The following ARHGAP39 variants were observed in gnomAD, a reference collection of about 807,000 sequenced individuals.
ARHGAP39 encodes the protein Rho GTPase activating protein 39, also known as rho GTPase-activating protein 39.
A neutral mutation model predicts 106.9 loss-of-function variants in ARHGAP39; 44 were observed. The observed-to-expected ratio is 0.41, with a 90% confidence interval of 0.32 to 0.53. ARHGAP39 has a LOEUF of 0.53. ARHGAP39 is among the 20% of genes least tolerant of loss of function. The pLI, the probability that ARHGAP39 is intolerant of heterozygous loss-of-function variation, is 0.21. For synonymous variants in ARHGAP39, 768 were observed against 693.2 expected (o/e 1.11, Z -1.69); for missense variants, 1,496 against 1,577.3 (o/e 0.95, Z 0.87).
At chr8:144,607,495 G>C (rs944224269) in intron 1 of ARHGAP39, among the ~76,000 whole-genome samples, 3 of 152,232 alleles carry the variant, frequency 2.0e-5, no homozygotes, top group Non-Finnish European at 4.4e-5. Context: ...CTGCCGAACC[G>C]TGGTGGGCAC....
At chr8:144,643,982 C>T (rs995540214) in intron 1 of ARHGAP39, among the ~76,000 whole-genome samples, 3 of 152,094 alleles carry the variant, frequency 2.0e-5, no homozygotes, top group Non-Finnish European at 4.4e-5. Context: ...AACAAGAGCC[C>T]TCGTACACTG....
intron 2 of ARHGAP39, among the ~76,000 whole-genome samples, chr8:144,587,486 T>A (rs1819223268): frequency 6.6e-6 from 1 of 152,094 alleles, no homozygotes; most frequent in Admixed American, 6.5e-5. Context: ...AATTCACGTG[T>A]TATACAGGTT....
intron 8 of ARHGAP39, among the ~76,000 whole-genome samples, chr8:144,533,875 C>T (rs1328221343): frequency 2.0e-5 from 3 of 152,000 alleles, no homozygotes; most frequent in African/African-American, 7.3e-5. Flanking sequence ...CCCTGTGGTG[C>T]GGTGTGACTG....
At chr8:144,582,375 G>A (rs947803547) in intron 2 of ARHGAP39, among the ~76,000 whole-genome samples, 3 of 152,234 alleles carry the variant, frequency 2.0e-5, no homozygotes, top group Non-Finnish European at 4.4e-5. Context: ...AGGACACCAA[G>A]GATCCAGGCG....
chr8:144,548,344 T>C lies in ARHGAP39; in HGVS notation c.742A>G (p.Ser248Gly), dbSNP rs1817558020. 6.2e-7 allele frequency: 1 copy of C among 1,607,162 alleles called. No individual in the cohort carries two copies. Among genetic ancestry groups the C allele is most frequent in the Non-Finnish European group, 8.5e-7 (1 of 1,176,408 alleles). ...PGVRSRRPSG[S>G]QHSPSLQTFA... ...GTCTGCAGGCTGGGTGAGTGCTGGC[T>C]GCCGGAGGGTCTGCGGGAGCGGACC... Residue 248 changes from serine (S) to glycine (G), a missense_variant, in exon 5 of 12, where the codon AGC becomes GGC. Around this residue, in one of 4 missense-constraint regions of ARHGAP39, gnomAD observed 905 missense variants for 816.4 expected, o/e 1.11. Transcript: ENST00000377307. The surrounding 1 kb of genome is among the most constrained non-coding windows in gnomAD (Gnocchi z 7.4).
intron 1 of ARHGAP39, among the ~76,000 whole-genome samples, chr8:144,616,748 C>A (rs1467863926): frequency 6.6e-6 from 1 of 152,230 alleles, no homozygotes; most frequent in South Asian, 2.1e-4. Context: ...CCACGAAGGA[C>A]GGCGAGTGCC....
intron 7 of ARHGAP39, among the ~76,000 whole-genome samples, chr8:144,535,109 G>A (rs938438729): frequency 5.3e-5 from 8 of 152,288 alleles, no homozygotes; most frequent in Admixed American, 3.9e-4. Context: ...AGCGCCTACC[G>A]CCTGCCAGGG....
intron 1 of ARHGAP39, among the ~76,000 whole-genome samples, chr8:144,676,434 C>T (rs760794571): frequency 4.0e-5 from 5 of 125,648 alleles, no homozygotes; most frequent in Non-Finnish European, 7.5e-5. Flanking sequence ...CTGACTGGTG[C>T]GTTTACAAAC....
intron 3 of ARHGAP39, among the ~76,000 whole-genome samples, chr8:144,577,902 T>C (rs1217213260): frequency 6.6e-6 from 1 of 152,182 alleles, no homozygotes; most frequent in Non-Finnish European, 1.5e-5. Context: ...CCTCTGTTCA[T>C]GGATTAGAAA....
chr8:144,640,881 G>A (rs765742997), intron 1 of ARHGAP39, among the ~76,000 whole-genome samples: 2 of 152,102 alleles, frequency 1.3e-5, no homozygotes, highest in African/African-American at 4.8e-5. Flanking sequence ...CACGTTTTCC[G>A]ATTCACACAG....
chr8:144,566,945 G>T lies in ARHGAP39; in HGVS notation c.513-11302C>A, dbSNP rs1054831930. ...TACAAAGAATGACAGCTGATTTCTTGTTAGAAATGATGCAAGCCAGAAGAC... is the reference window on the plus strand; with the variant it reads ...TACAAAGAATGACAGCTGATTTCTTTTTAGAAATGATGCAAGCCAGAAGAC... On this transcript the variant is annotated intron_variant, in intron 3 of 11. Coordinates refer to ENST00000377307, the MANE Select transcript of ARHGAP39 (RefSeq NM_025251.3). Among the ~76,000 whole-genome samples the T allele has an allele frequency of 2.6e-5, 4 of 151,934 alleles. No individual in the cohort carries two copies. The East Asian group carries it at 7.7e-4, about 29-fold the overall frequency.
At chr8:144,685,449 C>G (rs1473084807) in intron 1 of ARHGAP39, among the ~76,000 whole-genome samples, 1 of 149,882 alleles carries the variant, frequency 6.7e-6, no homozygotes, top group African/African-American at 2.4e-5. Context: ...CGCGCGGCCT[C>G]GGCCCCTCGA....
At chr8:144,695,777 C>T in the ARHGAP39 span, among the ~76,000 whole-genome samples, 1 of 152,104 alleles carries the variant, frequency 6.6e-6, no homozygotes, top group African/African-American at 2.4e-5. Context: ...GGCTTAAAGA[C>T]GATTACAAGG....
Position 144,585,939 on chromosome 8 carries a change from C to T in ARHGAP39, c.81-4662G>A, listed in dbSNP as rs1368900261. 1.3e-5 allele frequency among the ~76,000 whole-genome samples: 2 copies of T among 152,196 alleles called. No homozygotes were observed. Among genetic ancestry groups the T allele is most frequent in the Non-Finnish European group, 2.9e-5 (2 of 68,024 alleles). The stretch of plus-strand genomic sequence containing the variant: ...GCATCCCTGCACCCCCATGGCTCAG[C>T]CAGGCTCTCCACTCTTGTTACCTGA... On this transcript the variant is annotated intron_variant, in intron 2 of 11. Transcript: ENST00000377307. The surrounding 1 kb of genome is among the most constrained non-coding windows in gnomAD (Gnocchi z 4.6).
At chr8:144,605,956 C>T (rs897219689) in intron 1 of ARHGAP39, 8 of 347,948 alleles carry the variant, frequency 2.3e-5, no homozygotes, top group African/African-American at 1.7e-4. Flanking sequence ...GTCTGAGACA[C>T]CAGCCCCACT....
Position 144,630,122 on chromosome 8 carries a change from G to A in ARHGAP39, c.-81-24427C>T, listed in dbSNP as rs546692258. On this transcript the variant is annotated intron_variant, in intron 1 of 11. Transcript: ENST00000377307. ...AACATGCTTGAGGCCCAGAGCACAC[G>A]AGCCGAACAGGAACCGGCAGGCCTG... Among the ~76,000 whole-genome samples, 334 of 152,242 alleles carry A rather than the reference G, an allele frequency of 2.2e-3. 2 individuals carry two copies. The highest frequency in any genetic ancestry group is 7.4e-3 in the African/African-American group (309 of 41,542).
intron 1 of ARHGAP39, among the ~76,000 whole-genome samples, chr8:144,638,849 T>A (rs972689563): frequency 1.3e-5 from 2 of 152,212 alleles, no homozygotes; most frequent in African/African-American, 4.8e-5. Context: ...CACTCACCCA[T>A]CTGCTTCCCA....
chr8:144,560,974 T>G (rs1328384321), intron 3 of ARHGAP39, among the ~76,000 whole-genome samples: 2 of 152,270 alleles, frequency 1.3e-5, no homozygotes, highest in Admixed American at 1.3e-4. Flanking sequence ...AACTGTTCAC[T>G]GATGGGAAAT....
At chr8:144,624,505 C>T (rs1474764216) in intron 1 of ARHGAP39, among the ~76,000 whole-genome samples, 1 of 152,258 alleles carries the variant, frequency 6.6e-6, no homozygotes, top group African/African-American at 2.4e-5. Context: ...CTAACCCGCA[C>T]ATCTGCACCG....
Sources: allele counts gnomAD v4.1 joint callset (sites outside exome capture counted in the v4.1 genomes callset), GRCh38; gene constraint gnomAD v4.1.1; regional missense constraint gnomAD v4.1.1; non-coding constraint Gnocchi (gnomAD v3.1); transcripts MANE v1.5; gene names NCBI Gene and HGNC (gene_info 2026-07-23, HGNC 2026-07-21).